The following MACROD2 variants were observed in gnomAD, a reference collection of about 807,000 sequenced individuals.
The protein encoded by MACROD2 is mono-ADP ribosylhydrolase 2.
A neutral mutation model predicts 70.4 loss-of-function variants in MACROD2; 36 were observed. The ratio of observed to expected loss-of-function variants is 0.51; its 90% CI spans 0.39 to 0.68. The LOEUF (loss-of-function observed/expected upper bound fraction) is 0.68, where lower values mean the gene tolerates loss of function less well. Among genes scored for constraint, MACROD2 ranks in the 30% least tolerant of loss-of-function variants. The pLI is 0.00. For synonymous variants in MACROD2, 172 were observed against 178.8 expected (o/e 0.96, Z 0.30); for missense variants, 496 against 538.4 (o/e 0.92, Z 0.78).
chr20:15,007,090 C>T (rs991005269), intron 5 of MACROD2, among the ~76,000 whole-genome samples: 5 of 152,114 alleles, frequency 3.3e-5, no homozygotes, highest in South Asian at 2.1e-4. Context: ...AGAGGCCGGG[C>T]GCAGTGGCTC....
chr20:15,816,993 T>C (rs1354624853), intron 8 of MACROD2, among the ~76,000 whole-genome samples: 2 of 152,186 alleles, frequency 1.3e-5, no homozygotes, highest in South Asian at 2.1e-4. Context: ...AAAAAAACGA[T>C]GCTCGTTACC....
chr20:14,357,560 G>T (rs769210776), intron 3 of MACROD2, among the ~76,000 whole-genome samples: 5 of 151,968 alleles, frequency 3.3e-5, no homozygotes, highest in Non-Finnish European at 7.4e-5. Flanking sequence ...TGAAAGAAAA[G>T]AAAGAAAAAA....
At chr20:15,296,155 G>A (rs778986991) in intron 6 of MACROD2, among the ~76,000 whole-genome samples, 10 of 152,084 alleles carry the variant, frequency 6.6e-5, no homozygotes, top group African/African-American at 9.7e-5. Context: ...CCAGTTAGCC[G>A]CTACCCACAA....
rs2071959047 is a variant in MACROD2, at chr20:14,757,674, A to G, written c.418+72715A>G. ...AAGCACCTGGAGCTGTCAGACAAGA[A>G]TGTGTCCAACCTTCCTGTCATAAAG... On this transcript the variant is annotated intron_variant, in intron 5 of 17. Coordinates refer to ENST00000684519, the MANE Select transcript of MACROD2 (RefSeq NM_001351661.2). 8.8e-6 allele frequency: 12 copies of G among 1,369,256 alleles called. No homozygotes were observed. In the South Asian group the frequency reaches 1.4e-4, roughly 16 times the overall value. The allele number at this position is 1,369,256 out of a possible 1,614,324, so 84.8% of individuals were successfully genotyped here. A position where few individuals can be genotyped will look rare whatever the true frequency, so the allele number is the denominator to read the frequency against.
At chr20:15,407,303 C>G (rs1010149652) in intron 6 of MACROD2, among the ~76,000 whole-genome samples, 1 of 152,120 alleles carries the variant, frequency 6.6e-6, no homozygotes, top group African/African-American at 2.4e-5. Flanking sequence ...GCTAAATCAC[C>G]CCTCAATGGA....
At chr20:15,700,521 A>G (rs2050441997) in intron 8 of MACROD2, among the ~76,000 whole-genome samples, 1 of 152,092 alleles carries the variant, frequency 6.6e-6, no homozygotes, top group Non-Finnish European at 1.5e-5. Context: ...TTCCCCCTGA[A>G]TGTTTGGTTT....
chr20:15,033,408 A>C (rs2075290081), intron 5 of MACROD2, among the ~76,000 whole-genome samples: 1 of 152,150 alleles, frequency 6.6e-6, no homozygotes, highest in Admixed American at 6.5e-5. Context: ...GCCAGATCAC[A>C]TGGGCAGGCA....
rs62194160 is a variant in MACROD2, at chr20:15,892,916, C to T, written c.775+7105C>T. On this transcript the variant is annotated intron_variant, in intron 10 of 17. Transcript: ENST00000684519. ...TATTTAAATGAGAATATTAAATCTT[C>T]GTGATTCCAGAGGGGTTAGAGCCAA... The T allele has an allele frequency of 1.7e-3, 690 of 398,752 alleles. 2 individuals carry two copies. Among genetic ancestry groups the T allele is most frequent in the Admixed American group, 4.9e-3 (112 of 22,714 alleles). The allele number at this position is 398,752 out of a possible 1,614,324, so 24.7% of individuals were successfully genotyped here.
intron 3 of MACROD2, among the ~76,000 whole-genome samples, chr20:14,144,983 T>C (rs1027832518): frequency 8.5e-5 from 13 of 152,210 alleles, no homozygotes; most frequent in Admixed American, 5.2e-4. Context: ...AAGATAATCA[T>C]GGTTTTGTCC....
At chr20:15,528,724 GTTT>G (rs11475693) in intron 8 of MACROD2, among the ~76,000 whole-genome samples, 10 of 142,968 alleles carry the variant, frequency 7.0e-5, no homozygotes, top group African/African-American at 2.5e-4. Flanking sequence ...CAGTTATGTG[GTTT>G]TTTTTTTTTT....
chr20:14,294,539 A>G (rs1423867310), intron 3 of MACROD2, among the ~76,000 whole-genome samples: 2 of 151,722 alleles, frequency 1.3e-5, no homozygotes, highest in Non-Finnish European at 2.9e-5. Context: ...GTAGCTAATG[A>G]CATTTTTGAT....
At chr20:15,768,692 G>A (rs183103190) in intron 8 of MACROD2, among the ~76,000 whole-genome samples, 252 of 152,072 alleles carry the variant, frequency 1.7e-3, no homozygotes, top group Non-Finnish European at 3.0e-3. Context: ...TTAACTTTTT[G>A]ACTATTTTGT....
intron 8 of MACROD2, among the ~76,000 whole-genome samples, chr20:15,741,689 T>A (rs1167907958): frequency 6.6e-6 from 1 of 152,164 alleles, no homozygotes; most frequent in Non-Finnish European, 1.5e-5. Flanking sequence ...TCCCTTAGTC[T>A]GCTTTACTTC....
chr20:14,998,092 C>T (rs550829356), intron 5 of MACROD2, among the ~76,000 whole-genome samples: 1 of 152,292 alleles, frequency 6.6e-6, no homozygotes, highest in Non-Finnish European at 1.5e-5. Flanking sequence ...GATTAGATCA[C>T]AACATTCATT....
At chr20:15,858,839 A>C (rs1167305475) in intron 8 of MACROD2, among the ~76,000 whole-genome samples, 1 of 152,188 alleles carries the variant, frequency 6.6e-6, no homozygotes, top group East Asian at 1.9e-4. Context: ...GTTATACAGC[A>C]TCATTTCTAT....
intron 6 of MACROD2, among the ~76,000 whole-genome samples, chr20:15,369,720 G>A (rs2045464668): frequency 6.6e-6 from 1 of 152,234 alleles, no homozygotes; most frequent in African/African-American, 2.4e-5. Flanking sequence ...AAGTGGAGAG[G>A]AGGAAAGCCT....
intron 3 of MACROD2, among the ~76,000 whole-genome samples, chr20:14,201,785 G>C (rs1223422115): frequency 6.6e-6 from 1 of 151,214 alleles, no homozygotes; most frequent in Non-Finnish European, 1.5e-5. Context: ...GTTGCAATGA[G>C]CTGAGACTGC....
At chr20:15,468,089 A>G (rs2046918029) in intron 7 of MACROD2, among the ~76,000 whole-genome samples, 1 of 152,168 alleles carries the variant, frequency 6.6e-6, no homozygotes, top group Non-Finnish European at 1.5e-5. Flanking sequence ...TCCTCCCACT[A>G]GACTATAAAT....
At chr20:14,126,812 G>T (rs1029414060) in intron 3 of MACROD2, among the ~76,000 whole-genome samples, 1 of 152,122 alleles carries the variant, frequency 6.6e-6, no homozygotes, top group Non-Finnish European at 1.5e-5. Context: ...ACCCATAGAA[G>T]ACAGTGAACT....
Sources: gnomAD v4.1 joint callset for allele counts (sites outside exome capture counted in the v4.1 genomes callset) on GRCh38, gnomAD v4.1.1 for gene constraint, MANE v1.5 for transcripts, NCBI Gene and HGNC (gene_info 2026-07-23, HGNC 2026-07-21) for gene names.